Variants in DGUOK observed in about 807,000 individuals in gnomAD.
DGUOK encodes the protein deoxyguanosine kinase.
Under a neutral mutation model 36.6 loss-of-function variants are expected in DGUOK, and 30 were observed. The observed-to-expected ratio is 0.82, with a 90% confidence interval of 0.61 to 1.11. The LOEUF (loss-of-function observed/expected upper bound fraction) is 1.11. Among genes scored for constraint, DGUOK ranks in the 50% most tolerant of loss-of-function variants. The probability of loss-of-function intolerance (pLI) is 0.00; values close to 1 mark genes in which losing one functional copy is unlikely to be tolerated. For missense variants in DGUOK, 361 were observed against 336.4 expected, an observed-to-expected ratio of 1.07 and a Z score of -0.57; for synonymous variants, 145 against 126.3, an observed-to-expected ratio of 1.15 and a Z score of -0.99.
At chr2:73,945,547 C>G (rs1401880254) in intron 2 of DGUOK, among the ~76,000 whole-genome samples, 2 of 152,180 alleles carry the variant, frequency 1.3e-5, no homozygotes, top group Non-Finnish European at 2.9e-5. Context: ...CCTCATGAAG[C>G]TGTTTTGAAG....
At chr2:73,958,615 A>G (rs545883219) in intron 6 of DGUOK, 95 bp from the exon 7 acceptor site, 15 of 1,096,230 alleles carry the variant, frequency 1.4e-5, no homozygotes, top group South Asian at 6.3e-5. Context: ...CCTCACAAAA[A>G]CCTCATGGGC....
At position 73,938,909 on chromosome 2, in the gene DGUOK, G is replaced by A. The variant is rs1681684655; in HGVS notation, c.143-1G>A. ...CCCAATACATGCTATTTGCATTGCA[G>A]CTGTGGGAAAGTCCACGTTTGTGAA... is the stretch of plus-strand genomic sequence containing the variant. On this transcript the variant is annotated splice_acceptor_variant, in intron 1 of 6. Coordinates refer to ENST00000264093, the MANE Select transcript of DGUOK (RefSeq NM_080916.3). LOFTEE classifies it high-confidence loss of function. 2 of 1,607,552 alleles carry A rather than the reference G, an allele frequency of 1.2e-6. No individual in the cohort carries two copies. The highest frequency in any genetic ancestry group is 1.7e-6 in the Non-Finnish European group (2 of 1,174,032).
chr2:73,948,022 A>T (rs1000241925), intron 3 of DGUOK: 4 of 152,198 alleles, frequency 2.6e-5, no homozygotes, highest in African/African-American at 9.6e-5. Context: ...ATGTAAAACA[A>T]ACCCTATAGG....
intron 4 of DGUOK, among the ~76,000 whole-genome samples, chr2:73,954,820 G>C (rs1007426373): frequency 6.6e-6 from 1 of 152,182 alleles, no homozygotes; most frequent in Non-Finnish European, 1.5e-5. Context: ...AGGTTAAGAA[G>C]ACCAGTAAAG....
At chr2:73,939,631 C>G (rs1681746654) in intron 2 of DGUOK, among the ~76,000 whole-genome samples, 1 of 152,210 alleles carries the variant, frequency 6.6e-6, no homozygotes, top group African/African-American at 2.4e-5. Flanking sequence ...AGACTTGTTT[C>G]GACATGACCC....
chr2:73,939,614 T>C (rs1471636304), intron 2 of DGUOK, among the ~76,000 whole-genome samples: 2 of 152,222 alleles, frequency 1.3e-5, no homozygotes, highest in Non-Finnish European at 2.9e-5. Context: ...TCAGTCTGAG[T>C]AAGGAAAGAC....
intron 4 of DGUOK, among the ~76,000 whole-genome samples, chr2:73,952,965 G>A (rs940915778): frequency 1.3e-5 from 2 of 152,076 alleles, no homozygotes; most frequent in Non-Finnish European, 2.9e-5. Context: ...CTTCCATTGA[G>A]GACCTCCTGC....
At chr2:73,958,031 G>T in intron 5 of DGUOK, 115 bp from the exon 6 acceptor site, 2 of 817,592 alleles carry the variant, frequency 2.4e-6, no homozygotes, top group Non-Finnish European at 4.1e-6. Context: ...CAGTTTCTTT[G>T]AAAAGTCATG....
At chr2:73,955,888 A>G (rs1197510498) in intron 4 of DGUOK, among the ~76,000 whole-genome samples, 1 of 152,166 alleles carries the variant, frequency 6.6e-6, no homozygotes, top group Non-Finnish European at 1.5e-5. Flanking sequence ...AAAAGAGTGA[A>G]GTCCTAAATC....
intron 4 of DGUOK, among the ~76,000 whole-genome samples, chr2:73,953,844 G>A (rs973852598): frequency 2.7e-5 from 4 of 145,778 alleles, no homozygotes; most frequent in African/African-American, 1.0e-4. Flanking sequence ...TCAGCCTCCC[G>A]AGTAGCTGGG....
At chr2:73,955,346 T>G (rs1237970179) in intron 4 of DGUOK, among the ~76,000 whole-genome samples, 1 of 152,244 alleles carries the variant, frequency 6.6e-6, no homozygotes, top group South Asian at 2.1e-4. Flanking sequence ...TTAGAAATCC[T>G]AAAGCTACCT....
At chr2:73,937,894 T>C (rs1344620395) in intron 1 of DGUOK, among the ~76,000 whole-genome samples, 1 of 152,244 alleles carries the variant, frequency 6.6e-6, no homozygotes, top group Non-Finnish European at 1.5e-5. Flanking sequence ...ATCTTTTAAC[T>C]AGTCTGCCTG....
chr2:73,939,085 T>C lies in DGUOK; in HGVS notation c.255+63T>C, dbSNP rs561936831. The C allele has an allele frequency of 4.7e-5, 53 of 1,122,744 alleles. No individual in the cohort carries two copies. The East Asian group carries it at 1.2e-3, about 26-fold the overall frequency. The allele number at this position is 1,122,744 out of a possible 1,614,324, so 69.5% of individuals were successfully genotyped here. A position where few individuals can be genotyped will look rare whatever the true frequency, so the allele number is the denominator to read the frequency against. ...GGTGAATAATCTAATTGTCATAATT[T>C]AATTTACTCTCAGTGAGTAAAGTAG... On this transcript the variant is annotated intron_variant, in intron 2 of 6. Coordinates refer to ENST00000264093, the MANE Select transcript of DGUOK (RefSeq NM_080916.3).
chr2:73,931,701 A>G (rs1681051735), intron 1 of DGUOK, among the ~76,000 whole-genome samples: 1 of 152,206 alleles, frequency 6.6e-6, no homozygotes, highest in Admixed American at 6.5e-5. Context: ...CTTTCTTTGT[A>G]TATTTTGTTT....
chr2:73,957,031 T>C, intron 4 of DGUOK, 94 bp from the exon 5 acceptor site: 2 of 819,562 alleles, frequency 2.4e-6, no homozygotes, highest in South Asian at 2.8e-5. Flanking sequence ...ATGCCCAAGA[T>C]AGACATTATG....
intron 4 of DGUOK, among the ~76,000 whole-genome samples, chr2:73,956,753 C>T (rs73947973): frequency 6.6e-6 from 1 of 152,246 alleles, no homozygotes; most frequent in East Asian, 1.9e-4. Flanking sequence ...AGGACCCGAC[C>T]AGGGCAGAGG....
At chr2:73,942,712 A>G (rs1484669785) in intron 2 of DGUOK, among the ~76,000 whole-genome samples, 2 of 152,136 alleles carry the variant, frequency 1.3e-5, no homozygotes, top group Non-Finnish European at 1.5e-5. Flanking sequence ...GTTTTCTTTC[A>G]TTGGGTAGAA....
At chr2:73,947,224 G>A (rs540550043) in intron 3 of DGUOK, 44 of 390,694 alleles carry the variant, frequency 1.1e-4, no homozygotes, top group Non-Finnish European at 2.0e-4. Context: ...ATGCTAAAAG[G>A]CACATAATAG....
At chr2:73,948,810 C>T (rs952836886) in intron 3 of DGUOK, among the ~76,000 whole-genome samples, 1 of 152,160 alleles carries the variant, frequency 6.6e-6, no homozygotes, top group Non-Finnish European at 1.5e-5. Context: ...TGCAGTACTT[C>T]CCTCCCACTC....
Sources: gnomAD v4.1 joint callset for allele counts (sites outside exome capture counted in the v4.1 genomes callset) on GRCh38, gnomAD v4.1.1 for gene constraint, MANE v1.5 for transcripts, NCBI Gene and HGNC (gene_info 2026-07-23, HGNC 2026-07-21) for gene names.